Variants in RAB33B observed in about 807,000 individuals in gnomAD.
RAB33B encodes RAB33B, member RAS oncogene family, also known as ras-related protein Rab-33B.
RAB33B carries 6 observed loss-of-function variants against 15.0 expected under a neutral mutation model. That is an observed-to-expected ratio of 0.40 (90% CI 0.22 to 0.79). The LOEUF (loss-of-function observed/expected upper bound fraction) is 0.79, where lower values mean the gene tolerates loss of function less well. RAB33B is among the 30% of genes least tolerant of loss of function. RAB33B has a pLI of 0.37. For synonymous variants in RAB33B, 117 were observed against 108.3 expected, an observed-to-expected ratio of 1.08 and a Z score of -0.50; for missense variants, 257 against 296.4, an observed-to-expected ratio of 0.87 and a Z score of 0.98.
At chr4:139,468,676 A>G (rs1327247488) in intron 1 of RAB33B, among the ~76,000 whole-genome samples, 1 of 152,138 alleles carries the variant, frequency 6.6e-6, no homozygotes, top group Non-Finnish European at 1.5e-5. Flanking sequence ...TTGGGTGATT[A>G]TGTATTGCTC....
At chr4:139,458,613 T>C (rs1750113542) in intron 1 of RAB33B, among the ~76,000 whole-genome samples, 3 of 152,260 alleles carry the variant, frequency 2.0e-5, no homozygotes, top group South Asian at 4.1e-4. Flanking sequence ...GGCTGCATAG[T>C]GTTACATGGT....
At chr4:139,448,395 T>C (rs957140365), upstream of RAB33B, 3 of 152,228 alleles carry the variant, frequency 2.0e-5, no homozygotes, top group African/African-American at 7.2e-5. Context: ...AAAAACATGT[T>C]TGTGCATATA....
the RAB33B span, among the ~76,000 whole-genome samples, chr4:139,446,439 T>C: frequency 3.9e-5 from 6 of 152,178 alleles, no homozygotes; most frequent in African/African-American, 1.4e-4. Context: ...GAAGGAGAAA[T>C]GGCCAGATGT....
upstream of RAB33B, chr4:139,453,842 G>A (rs1749998147): frequency 5.3e-6 from 1 of 188,182 alleles, no homozygotes; most frequent in Non-Finnish European, 1.1e-5. Flanking sequence ...GGACGTGGCG[G>A]GGCTGGGTCA....
the RAB33B span, among the ~76,000 whole-genome samples, chr4:139,443,184 G>T: frequency 8.2e-3 from 1,245 of 152,122 alleles, 18 homozygotes; most frequent in African/African-American, 0.028. Context: ...AGCAGAGATG[G>T]GGTTTCACCA....
chr4:139,457,406 A>G (rs1382340227), intron 1 of RAB33B, among the ~76,000 whole-genome samples: 1 of 152,060 alleles, frequency 6.6e-6, no homozygotes, highest in Non-Finnish European at 1.5e-5. Flanking sequence ...TAGCACAATC[A>G]TTTTCCAGTG....
At chr4:139,440,025 G>A in the RAB33B span, among the ~76,000 whole-genome samples, 2 of 152,160 alleles carry the variant, frequency 1.3e-5, 1 homozygote, top group South Asian at 4.1e-4. Context: ...TGATATTTTT[G>A]TTGAAAACCA....
In RAB33B at chr4:139,475,278, G is replaced by C. The variant is rs1184593239; in HGVS notation, c.*2152G>C. On this transcript the variant is annotated 3_prime_UTR_variant, in exon 2 of 2. Coordinates refer to ENST00000305626, the MANE Select transcript of RAB33B (RefSeq NM_031296.3). ...ATCGCTTTTCAAAATATTTTCTAAA[G>C]TGGGGGAAGAAAGTTTATAGACTTT... The C allele has an allele frequency of 2.0e-5, 3 of 152,004 alleles. No individual in the cohort carries two copies. The highest frequency in any genetic ancestry group is 4.4e-5 in the Non-Finnish European group (3 of 67,912). The allele number at this position is 152,004 out of a possible 1,614,324, so 9.4% of individuals were successfully genotyped here.
chr4:139,462,451 T>C (rs912810517), intron 1 of RAB33B, among the ~76,000 whole-genome samples: 1 of 152,242 alleles, frequency 6.6e-6, no homozygotes, highest in African/African-American at 2.4e-5. Flanking sequence ...TGTTAAAGGT[T>C]TTAATCCAAA....
upstream of RAB33B, chr4:139,453,998 G>T (rs1472520476): frequency 8.1e-6 from 4 of 492,492 alleles, no homozygotes; most frequent in Admixed American, 1.8e-4. Flanking sequence ...TCCGTGCGGC[G>T]GGGCGGGCGG....
At chr4:139,460,852 T>G (rs890399487) in intron 1 of RAB33B, among the ~76,000 whole-genome samples, 4 of 152,248 alleles carry the variant, frequency 2.6e-5, no homozygotes. Flanking sequence ...GCTTTCCTAC[T>G]ATCTGAAGGA....
At chr4:139,457,730 A>G (rs985442614) in intron 1 of RAB33B, among the ~76,000 whole-genome samples, 1 of 152,222 alleles carries the variant, frequency 6.6e-6, no homozygotes, top group Non-Finnish European at 1.5e-5. Context: ...GCCTGTTTTT[A>G]CATGGCCACA....
At chr4:139,450,680 G>A (rs1450461790), upstream of RAB33B, 3 of 152,212 alleles carry the variant, frequency 2.0e-5, no homozygotes, top group African/African-American at 2.4e-5. Context: ...TAGTGCCAAG[G>A]TTGAGAATCC....
At position 139,459,990 on chromosome 4, in the gene RAB33B, C is replaced by T. The variant is rs1170934789; in HGVS notation, c.249+5546C>T. On this transcript the variant is annotated intron_variant, in intron 1 of 1. Coordinates refer to ENST00000305626, the MANE Select transcript of RAB33B (RefSeq NM_031296.3). ...GGGAAAAGTGTTGAATATATAGAGG[C>T]AGAGAGATCAGTTGGTAGGGTACTC... 3.9e-5 allele frequency among the ~76,000 whole-genome samples: 6 copies of T among 151,966 alleles called. No homozygotes were observed. In the East Asian group the frequency reaches 1.2e-3, roughly 29 times the overall value.
At chr4:139,459,753 C>G (rs1346828989) in intron 1 of RAB33B, among the ~76,000 whole-genome samples, 1 of 152,048 alleles carries the variant, frequency 6.6e-6, no homozygotes, top group South Asian at 2.1e-4. Flanking sequence ...CCTGCCTCAG[C>G]GTCCCAAGTA....
intron 1 of RAB33B, among the ~76,000 whole-genome samples, chr4:139,466,961 C>CTTT (rs35504904): frequency 0.11 from 7,331 of 68,514 alleles, 923 homozygotes; most frequent in Non-Finnish European, 0.15. Context: ...GAAGCACAAA[C>CTTT]TTTTTTTTTT....
At chr4:139,461,890 C>G (rs1282038309) in intron 1 of RAB33B, among the ~76,000 whole-genome samples, 2 of 150,686 alleles carry the variant, frequency 1.3e-5, no homozygotes, top group African/African-American at 2.4e-5. Flanking sequence ...GGTGACAGAG[C>G]AAGCCTCCAT....
At chr4:139,467,184 G>C (rs1015907490) in intron 1 of RAB33B, among the ~76,000 whole-genome samples, 2 of 150,674 alleles carry the variant, frequency 1.3e-5, no homozygotes, top group South Asian at 2.1e-4. Flanking sequence ...GGCCAGGCTG[G>C]TTATGAACTC....
chr4:139,454,184 C>CGG lies in RAB33B; in HGVS notation c.-10_-9dup. On this transcript the variant is annotated 5_prime_UTR_variant, in exon 1 of 2. Coordinates refer to ENST00000305626, the MANE Select transcript of RAB33B (RefSeq NM_031296.3). ...TCCTTTCCTCCGCCTCAGTTTGGGG[C>CGG]GGGTCGGGGGAATGGCTGAGGAGAT... 1 of 1,602,116 alleles carries CGG rather than the reference C, an allele frequency of 6.2e-7. No individual in the cohort carries two copies. The highest frequency in any genetic ancestry group is 1.1e-5 in the South Asian group (1 of 89,626).
Sources: gnomAD v4.1 joint callset for allele counts (sites outside exome capture counted in the v4.1 genomes callset) on GRCh38, gnomAD v4.1.1 for gene constraint, MANE v1.5 for transcripts, NCBI Gene and HGNC (gene_info 2026-07-23, HGNC 2026-07-21) for gene names.